Variants in NAV2 observed in about 807,000 individuals in gnomAD.
NAV2 encodes helicase, APC down-regulated 1.
A neutral mutation model predicts 223.2 loss-of-function variants in NAV2; 54 were observed. The ratio of observed to expected loss-of-function variants is 0.24; its 90% CI spans 0.19 to 0.30. NAV2 has a LOEUF of 0.30. Among genes scored for constraint, NAV2 ranks in the 10% least tolerant of loss-of-function variants. The pLI is 1.00. For synonymous variants in NAV2, 1,279 were observed against 1,239.3 expected (o/e 1.03, Z -0.67); for missense variants, 2,806 against 3,147.5 (o/e 0.89, Z 2.60).
chr11:19,698,068 G>A (rs1380622932), intron 1 of NAV2, among the ~76,000 whole-genome samples: 1 of 152,166 alleles, frequency 6.6e-6, no homozygotes, highest in African/African-American at 2.4e-5. Flanking sequence ...GCTGAGTGCT[G>A]ATGGGGCTGC....
chr11:19,531,868 T>A (rs2044036729), intron 1 of NAV2, among the ~76,000 whole-genome samples: 1 of 152,160 alleles, frequency 6.6e-6, no homozygotes, highest in African/African-American at 2.4e-5. Context: ...ACACTGCAAC[T>A]TCAGAGATAT....
intron 1 of NAV2, among the ~76,000 whole-genome samples, chr11:19,439,058 AG>A (rs1241944980): frequency 2.0e-4 from 30 of 152,290 alleles, no homozygotes; most frequent in Non-Finnish European, 5.9e-5. Flanking sequence ...TCTGGCAGCC[AG>A]CCCCCATCTT....
intron 6 of NAV2, among the ~76,000 whole-genome samples, chr11:19,919,613 TG>T (rs1360283584): frequency 6.6e-6 from 1 of 152,220 alleles, no homozygotes; most frequent in Non-Finnish European, 1.5e-5. Flanking sequence ...TCCATAGAGT[TG>T]GGTTAGAGAC....
chr11:19,483,066 C>T (rs1054841175), intron 1 of NAV2, among the ~76,000 whole-genome samples: 1 of 152,158 alleles, frequency 6.6e-6, no homozygotes, highest in Non-Finnish European at 1.5e-5. Context: ...TTGCCACTTG[C>T]CAGACACAGT....
At position 20,100,662 on chromosome 11, in the gene NAV2, G is replaced by A. The variant is rs138465613; in HGVS notation, c.6182-275G>A. Among the ~76,000 whole-genome samples the A allele has an allele frequency of 1.7e-4, 25 of 151,160 alleles. No homozygotes were observed. In the East Asian group the frequency reaches 3.8e-3, roughly 23 times the overall value. On this transcript the variant is annotated intron_variant, in intron 31 of 37. Coordinates refer to ENST00000349880, the MANE Select transcript of NAV2 (RefSeq NM_145117.5). ...CATGAATTCTGCAGAGGACAGATAG[G>A]GACTGAGAGCCAAAATGTTCAAGGT...
At chr11:19,941,189 T>A (rs2046370891) in intron 8 of NAV2, among the ~76,000 whole-genome samples, 1 of 152,106 alleles carries the variant, frequency 6.6e-6, no homozygotes, top group African/African-American at 2.4e-5. Flanking sequence ...CAGTGTGTGA[T>A]CTTCCCCTAA....
intron 10 of NAV2, among the ~76,000 whole-genome samples, chr11:19,950,507 A>G (rs760796910): frequency 2.0e-5 from 3 of 152,238 alleles, no homozygotes; most frequent in Admixed American, 6.5e-5. Context: ...TACAACTACT[A>G]GAGTTTATTT....
chr11:19,393,018 A>T (rs2729858), intron 1 of NAV2, among the ~76,000 whole-genome samples: 3,157 of 152,220 alleles, frequency 0.021, 91 homozygotes, highest in African/African-American at 0.072. Context: ...TACTGATGTC[A>T]CTCAGCATTG....
At chr11:19,822,318 G>A (rs2059426494) in intron 1 of NAV2, among the ~76,000 whole-genome samples, 1 of 152,216 alleles carries the variant, frequency 6.6e-6, no homozygotes, top group Non-Finnish European at 1.5e-5. Flanking sequence ...ACTCTAAGAA[G>A]TGTTCTCTTA....
chr11:19,945,796 T>C (rs1039640191), intron 8 of NAV2, among the ~76,000 whole-genome samples: 2 of 152,218 alleles, frequency 1.3e-5, no homozygotes, highest in African/African-American at 4.8e-5. Context: ...GCGTTCCTTT[T>C]AGAAAAGTGA....
At chr11:19,743,837 G>A (rs887853330) in intron 1 of NAV2, among the ~76,000 whole-genome samples, 2 of 151,932 alleles carry the variant, frequency 1.3e-5, no homozygotes, top group Non-Finnish European at 2.9e-5. Flanking sequence ...AGCCCAAAGA[G>A]CCTGGAGTGT....
chr11:19,677,687 G>A (rs183387507), intron 1 of NAV2, among the ~76,000 whole-genome samples: 3 of 152,256 alleles, frequency 2.0e-5, no homozygotes, highest in Non-Finnish European at 2.9e-5. Flanking sequence ...AGCCCTGACT[G>A]AGTGATTTTG....
chr11:19,543,453 G>T (rs73420158), intron 1 of NAV2, among the ~76,000 whole-genome samples: 7,222 of 152,232 alleles, frequency 0.047, 598 homozygotes, highest in African/African-American at 0.17. Context: ...GCGTGGTCCT[G>T]TATCTATTCT....
intron 1 of NAV2, among the ~76,000 whole-genome samples, chr11:19,418,750 G>A (rs560088413): frequency 3.3e-5 from 5 of 152,254 alleles, no homozygotes; most frequent in South Asian, 2.1e-4. Context: ...TCTAAGGGTC[G>A]TCCAAAGCCA....
intron 1 of NAV2, among the ~76,000 whole-genome samples, chr11:19,636,625 G>C (rs1429821972): frequency 1.3e-5 from 2 of 152,060 alleles, no homozygotes; most frequent in African/African-American, 4.8e-5. Flanking sequence ...CGAGTAACTG[G>C]GACTACAGGA....
chr11:19,466,416 C>G (rs1377471400), intron 1 of NAV2, among the ~76,000 whole-genome samples: 1 of 152,180 alleles, frequency 6.6e-6, no homozygotes, highest in Non-Finnish European at 1.5e-5. Context: ...TGCAGTTTCT[C>G]TTTGCTTTTG....
intron 1 of NAV2, among the ~76,000 whole-genome samples, chr11:19,467,331 G>A (rs528844238): frequency 6.6e-6 from 1 of 152,038 alleles, no homozygotes; most frequent in South Asian, 2.1e-4. Flanking sequence ...GCTGTTTTTA[G>A]TTTCTTCAAA....
intron 1 of NAV2, among the ~76,000 whole-genome samples, chr11:19,813,697 G>A (rs551858434): frequency 6.6e-6 from 1 of 152,172 alleles, no homozygotes; most frequent in Non-Finnish European, 1.5e-5. Context: ...GGCTTCACAC[G>A]CTTCCACAGT....
chr11:19,743,764 G>T (rs909419736), intron 1 of NAV2, among the ~76,000 whole-genome samples: 1 of 152,266 alleles, frequency 6.6e-6, no homozygotes, highest in African/African-American at 2.4e-5. Flanking sequence ...CTAGTGCTCA[G>T]AGTTGGGCAG....
Sources: gnomAD v4.1 joint callset for allele counts (sites outside exome capture counted in the v4.1 genomes callset) on GRCh38, gnomAD v4.1.1 for gene constraint, MANE v1.5 for transcripts, NCBI Gene and HGNC (gene_info 2026-07-23, HGNC 2026-07-21) for gene names.